The following APBB2 variants were observed in gnomAD, a reference collection of about 807,000 sequenced individuals.
APBB2 encodes Fe65-like 1.
In APBB2, 38 loss-of-function variants were observed where a neutral mutation model predicts 82.5. That is an observed-to-expected ratio of 0.46 (90% CI 0.36 to 0.60). The LOEUF (loss-of-function observed/expected upper bound fraction) is 0.60, where lower values mean the gene tolerates loss of function less well. Ranked by LOEUF, APBB2 falls within the 20% of genes least tolerant of loss-of-function variation. The pLI, the probability that APBB2 is intolerant of heterozygous loss-of-function variation, is 0.00. For missense variants in APBB2, 772 were observed against 972.3 expected (o/e 0.79, Z 2.74); for synonymous variants, 341 against 368.2 (o/e 0.93, Z 0.85).
intron 4 of APBB2, among the ~76,000 whole-genome samples, chr4:41,043,508 T>TA (rs1722286417): frequency 1.3e-5 from 2 of 152,214 alleles, no homozygotes; most frequent in African/African-American, 2.4e-5. Context: ...CATTCTTTCA[T>TA]AAAAATATTT....
intron 2 of APBB2, among the ~76,000 whole-genome samples, chr4:41,122,389 C>T (rs1159954742): frequency 1.3e-5 from 2 of 152,120 alleles, no homozygotes; most frequent in Admixed American, 1.3e-4. Flanking sequence ...GTCTCCCTAC[C>T]TTCTTCCCCT....
At chr4:40,972,151 G>A (rs989440475) in intron 6 of APBB2, among the ~76,000 whole-genome samples, 6 of 152,142 alleles carry the variant, frequency 3.9e-5, no homozygotes, top group African/African-American at 7.2e-5. Flanking sequence ...AATCCTGGCC[G>A]GCTGTGGTGG....
In APBB2 at chr4:40,866,337, G is replaced by A. The variant is rs143701050; in HGVS notation, c.1529+24027C>T. Among the ~76,000 whole-genome samples, 942 of 152,046 alleles carry A rather than the reference G, an allele frequency of 6.2e-3. 6 individuals are homozygous for A. Among genetic ancestry groups the A allele is most frequent in the Middle Eastern group, 0.017 (5 of 294 alleles). On this transcript the variant is annotated intron_variant, in intron 12 of 17. Transcript: ENST00000508593. Reference sequence around the variant, plus strand: ...AGCACTTTACTTTCTTGGTGGTCACGAAACTCCATGCTCAGGAGCTTACTG... The same window carrying A: ...AGCACTTTACTTTCTTGGTGGTCACAAAACTCCATGCTCAGGAGCTTACTG...
At chr4:41,166,588 GAAAGA>G (rs959752607) in intron 1 of APBB2, among the ~76,000 whole-genome samples, 57 of 146,720 alleles carry the variant, frequency 3.9e-4, no homozygotes, top group Admixed American at 9.5e-4. Context: ...AAAAAAAAAA[GAAAGA>G]AAAGAAAAGA....
chr4:41,086,413 T>G (rs1739686546), intron 3 of APBB2, among the ~76,000 whole-genome samples: 1 of 152,142 alleles, frequency 6.6e-6, no homozygotes, highest in African/African-American at 2.4e-5. Flanking sequence ...CAAAAATCAT[T>G]AGCAGAAGAC....
At chr4:41,199,115 C>A (rs1413050987) in intron 1 of APBB2, among the ~76,000 whole-genome samples, 1 of 152,170 alleles carries the variant, frequency 6.6e-6, no homozygotes, top group Non-Finnish European at 1.5e-5. Flanking sequence ...AATAAGGTTA[C>A]ATTTGCAGAT....
chr4:40,879,666 G>A (rs761994604), intron 12 of APBB2, among the ~76,000 whole-genome samples: 1 of 151,522 alleles, frequency 6.6e-6, no homozygotes, highest in Non-Finnish European at 1.5e-5. Flanking sequence ...AATATGTTAC[G>A]GTTGACCCAG....
At chr4:40,965,819 G>T (rs1393188049) in intron 6 of APBB2, among the ~76,000 whole-genome samples, 2 of 152,138 alleles carry the variant, frequency 1.3e-5, no homozygotes, top group East Asian at 3.8e-4. Flanking sequence ...AAATTGGAAG[G>T]TCCTGGAAAA....
intron 12 of APBB2, among the ~76,000 whole-genome samples, chr4:40,863,720 C>CCA (rs1763344699): frequency 6.6e-6 from 1 of 151,612 alleles, no homozygotes; most frequent in African/African-American, 2.4e-5. Flanking sequence ...TGGTGAAACC[C>CCA]TGTTTCTACG....
At chr4:41,035,965 C>A (rs1719014452) in intron 4 of APBB2, among the ~76,000 whole-genome samples, 1 of 151,960 alleles carries the variant, frequency 6.6e-6, no homozygotes, top group African/African-American at 2.4e-5. Flanking sequence ...TTGAGACCAG[C>A]CTGGGCAACA....
At chr4:40,910,782 G>T (rs532254517) in intron 10 of APBB2, among the ~76,000 whole-genome samples, 1 of 152,352 alleles carries the variant, frequency 6.6e-6, no homozygotes, top group East Asian at 1.9e-4. Context: ...GGCAGTCCTG[G>T]ACTACCACTC....
intron 12 of APBB2, among the ~76,000 whole-genome samples, chr4:40,862,706 A>G (rs1763049358): frequency 6.6e-6 from 1 of 152,188 alleles, no homozygotes; most frequent in African/African-American, 2.4e-5. Context: ...TAAAACTACA[A>G]AAATTAGCCA....
intron 2 of APBB2, among the ~76,000 whole-genome samples, chr4:41,122,431 C>T (rs1753119657): frequency 6.6e-6 from 1 of 152,116 alleles, no homozygotes; most frequent in Admixed American, 6.5e-5. Flanking sequence ...ACAACACTAG[C>T]AGATTAATTG....
At chr4:41,166,597 G>T (rs991184018) in intron 1 of APBB2, among the ~76,000 whole-genome samples, 15 of 149,002 alleles carry the variant, frequency 1.0e-4, no homozygotes, top group Non-Finnish European at 1.3e-4. Flanking sequence ...AGAAAGAAAA[G>T]AAAAGAAAAG....
At chr4:40,909,730 T>C (rs1352217854) in intron 10 of APBB2, among the ~76,000 whole-genome samples, 1 of 152,206 alleles carries the variant, frequency 6.6e-6, no homozygotes, top group Non-Finnish European at 1.5e-5. Flanking sequence ...TAATCACTTA[T>C]AATCATCATG....
intron 10 of APBB2, among the ~76,000 whole-genome samples, chr4:40,905,932 T>C (rs1483409457): frequency 6.6e-6 from 1 of 151,784 alleles, no homozygotes; most frequent in Non-Finnish European, 1.5e-5. Context: ...GAAGCGAGAA[T>C]GAGTTTGATG....
intron 10 of APBB2, among the ~76,000 whole-genome samples, chr4:40,922,437 G>A (rs1379298012): frequency 6.6e-6 from 1 of 152,194 alleles, no homozygotes; most frequent in East Asian, 1.9e-4. Context: ...AATGTGGAAG[G>A]CTGACTACTG....
chr4:41,166,965 G>C (rs1415983718), intron 1 of APBB2, among the ~76,000 whole-genome samples: 3 of 152,186 alleles, frequency 2.0e-5, no homozygotes, highest in Non-Finnish European at 4.4e-5. Flanking sequence ...GACTGAACCT[G>C]CATTTTGGGG....
At chr4:41,030,419 GTC>G (rs1716293335) in intron 5 of APBB2, among the ~76,000 whole-genome samples, 2 of 152,090 alleles carry the variant, frequency 1.3e-5, no homozygotes, top group Non-Finnish European at 2.9e-5. Flanking sequence ...AAGGGACAGG[GTC>G]TCACTATGTT....
Sources: gnomAD v4.1 joint callset for allele counts (sites outside exome capture counted in the v4.1 genomes callset) on GRCh38, gnomAD v4.1.1 for gene constraint, MANE v1.5 for transcripts, NCBI Gene and HGNC (gene_info 2026-07-23, HGNC 2026-07-21) for gene names.